Variants in CAMKMT observed in about 807,000 individuals in gnomAD.
The protein encoded by CAMKMT is calmodulin-lysine N-methyltransferase.
CAMKMT carries 53 observed loss-of-function variants against 48.0 expected under a neutral mutation model. The observed-to-expected ratio is 1.10, with a 90% CI of 0.89 to 1.39. The LOEUF (loss-of-function observed/expected upper bound fraction) is 1.39, where lower values mean the gene tolerates loss of function less well. CAMKMT is among the 40% of genes most tolerant of loss of function. The probability of loss-of-function intolerance (pLI) is 0.00; values close to 1 mark genes in which losing one functional copy is unlikely to be tolerated. For missense variants in CAMKMT, 428 were observed against 402.7 expected (o/e 1.06, Z -0.54); for synonymous variants, 165 against 152.3 (o/e 1.08, Z -0.61).
At chr2:44,676,005 T>G (rs551026507) in intron 3 of CAMKMT, among the ~76,000 whole-genome samples, 7 of 152,232 alleles carry the variant, frequency 4.6e-5, no homozygotes, top group African/African-American at 1.4e-4. Context: ...TGCCAGAATT[T>G]CTTTCGTTTT....
At chr2:44,640,291 AT>A (rs1323723697) in intron 3 of CAMKMT, among the ~76,000 whole-genome samples, 1 of 152,224 alleles carries the variant, frequency 6.6e-6, no homozygotes, top group East Asian at 1.9e-4. Flanking sequence ...ATACAAAGAA[AT>A]ATCACCTATG....
At chr2:44,747,423 A>G (rs573865022) in intron 8 of CAMKMT, among the ~76,000 whole-genome samples, 3 of 152,188 alleles carry the variant, frequency 2.0e-5, no homozygotes, top group Admixed American at 1.3e-4. Flanking sequence ...AAATATAGTC[A>G]GCCCTTTCAC....
intron 3 of CAMKMT, among the ~76,000 whole-genome samples, chr2:44,574,823 C>T (rs1003852683): frequency 6.6e-6 from 1 of 152,054 alleles, no homozygotes; most frequent in African/African-American, 2.4e-5. Flanking sequence ...TCACAGCAAC[C>T]TCCATCTCCC....
At chr2:44,641,908 A>C (rs1673471110) in intron 3 of CAMKMT, among the ~76,000 whole-genome samples, 2 of 152,120 alleles carry the variant, frequency 1.3e-5, no homozygotes, top group Admixed American at 1.3e-4. Context: ...TTAGAAGAGA[A>C]ATGCCATCCT....
At chr2:44,566,007 C>G (rs1009524199) in intron 3 of CAMKMT, among the ~76,000 whole-genome samples, 1 of 152,062 alleles carries the variant, frequency 6.6e-6, no homozygotes, top group East Asian at 1.9e-4. Flanking sequence ...AATTAGATGG[C>G]GCTAAAAAGT....
intron 3 of CAMKMT, among the ~76,000 whole-genome samples, chr2:44,606,777 A>G (rs1671308261): frequency 6.6e-6 from 1 of 151,904 alleles, no homozygotes; most frequent in Non-Finnish European, 1.5e-5. Flanking sequence ...TTATAAAAGT[A>G]GAATAAATGA....
At chr2:44,568,698 C>G (rs1358282527) in intron 3 of CAMKMT, among the ~76,000 whole-genome samples, 1 of 152,048 alleles carries the variant, frequency 6.6e-6, no homozygotes, top group Non-Finnish European at 1.5e-5. Context: ...ATGGACATGG[C>G]AGGGGTTTTT....
chr2:44,512,422 T>C (rs1670612577), intron 3 of CAMKMT, among the ~76,000 whole-genome samples: 4 of 152,228 alleles, frequency 2.6e-5, no homozygotes, highest in Admixed American at 6.5e-5. Context: ...ATTATTATTA[T>C]TTTCTAGCTT....
At chr2:44,400,772 G>T in intron 3 of CAMKMT, 1 of 151,264 alleles carries the variant, frequency 6.6e-6, no homozygotes, top group Non-Finnish European at 1.5e-5. Flanking sequence ...TTTTTCAACA[G>T]CCAGTATCTT....
At chr2:44,396,166 G>T (rs1336521548) in intron 3 of CAMKMT, among the ~76,000 whole-genome samples, 1 of 152,030 alleles carries the variant, frequency 6.6e-6, no homozygotes, top group African/African-American at 2.4e-5. Flanking sequence ...AACACTCTTA[G>T]ATATTTCAGA....
At chr2:44,384,690 T>A (rs772719682) in intron 2 of CAMKMT, among the ~76,000 whole-genome samples, 2 of 152,084 alleles carry the variant, frequency 1.3e-5, no homozygotes, top group South Asian at 4.1e-4. Flanking sequence ...AGTTTCATTC[T>A]CTGCATATAG....
At chr2:44,736,595 AT>A (rs1022470754) in intron 7 of CAMKMT, among the ~76,000 whole-genome samples, 2 of 152,050 alleles carry the variant, frequency 1.3e-5, no homozygotes, top group African/African-American at 4.8e-5. Context: ...TTCTTCAAAT[AT>A]TTTTTCTGTT....
At position 44,657,065 on chromosome 2, in the gene CAMKMT, T is replaced by TTTCAGATACCC. The variant is rs1219788073; in HGVS notation, c.377-47210_377-47209insCCCTTCAGATA. ...TCACATTAATGTGTTTAACAGGTTG[T>TTTCAGATACCC]TTCAGATATCCTTCAGATATCTGAG... On this transcript the variant is annotated intron_variant, in intron 3 of 10. Transcript: ENST00000378494. The surrounding 1 kb of genome is among the most constrained non-coding windows in gnomAD (Gnocchi z 4.3). Among the ~76,000 whole-genome samples the TTTCAGATACCC allele has an allele frequency of 6.6e-6, 1 of 152,208 alleles. No homozygotes were observed. The highest frequency in any genetic ancestry group is 1.5e-5 in the Non-Finnish European group (1 of 68,036).
chr2:44,563,528 G>A (rs1277691529), intron 3 of CAMKMT, among the ~76,000 whole-genome samples: 3 of 151,728 alleles, frequency 2.0e-5, no homozygotes, highest in Non-Finnish European at 2.9e-5. Context: ...CAACGTGCAG[G>A]TTTGTTACAT....
chr2:44,649,159 G>C (rs146741353), intron 3 of CAMKMT, among the ~76,000 whole-genome samples: 36 of 152,190 alleles, frequency 2.4e-4, no homozygotes, highest in African/African-American at 7.7e-4. Flanking sequence ...TTCAGTGAGG[G>C]GGGGAAAATG....
At chr2:44,540,956 A>G (rs1447826947) in intron 3 of CAMKMT, among the ~76,000 whole-genome samples, 3 of 152,202 alleles carry the variant, frequency 2.0e-5, no homozygotes, top group Non-Finnish European at 4.4e-5. Flanking sequence ...TCCTAGCATC[A>G]TTTACCAAAA....
chr2:44,570,469 G>A (rs1668847622), intron 3 of CAMKMT, among the ~76,000 whole-genome samples: 1 of 152,118 alleles, frequency 6.6e-6, no homozygotes, highest in African/African-American at 2.4e-5. Context: ...TTACATTCCA[G>A]GAACTTTACA....
At chr2:44,688,716 C>A (rs908563330) in intron 3 of CAMKMT, among the ~76,000 whole-genome samples, 1 of 152,156 alleles carries the variant, frequency 6.6e-6, no homozygotes, top group Admixed American at 6.5e-5. Flanking sequence ...CTCCTTCCCC[C>A]TTCCCCACAC....
intron 3 of CAMKMT, among the ~76,000 whole-genome samples, chr2:44,637,962 G>A (rs1175453468): frequency 6.6e-6 from 1 of 151,558 alleles, no homozygotes; most frequent in East Asian, 1.9e-4. Context: ...CTACTTGGGA[G>A]GCTGAGGCAG....
Sources: allele counts gnomAD v4.1 joint callset (sites outside exome capture counted in the v4.1 genomes callset), GRCh38; gene constraint gnomAD v4.1.1; non-coding constraint Gnocchi (gnomAD v3.1); transcripts MANE v1.5; gene names NCBI Gene and HGNC (gene_info 2026-07-23, HGNC 2026-07-21).